BRINP1: variants seen among roughly 807,000 people sequenced by gnomAD.
BRINP1 encodes the protein BMP/retinoic acid-inducible neural-specific protein 1.
Under a neutral mutation model 72.9 loss-of-function variants are expected in BRINP1, and 17 were observed. The observed-to-expected ratio is 0.23, with a 90% CI of 0.16 to 0.35. BRINP1 has a LOEUF of 0.35. Ranked by LOEUF, BRINP1 falls within the 10% of genes least tolerant of loss-of-function variation. The pLI is 1.00. For synonymous variants in BRINP1, 418 were observed against 378.5 expected (o/e 1.10, Z -1.21); for missense variants, 850 against 1,001.6 (o/e 0.85, Z 2.04).
intron 5 of BRINP1, among the ~76,000 whole-genome samples, chr9:119,230,589 A>C (rs1830139451): frequency 6.6e-6 from 1 of 151,952 alleles, no homozygotes; most frequent in African/African-American, 2.4e-5. Flanking sequence ...TGAGGATGTC[A>C]TTTTAGGCAT....
At chr9:119,260,753 T>G (rs1015474264) in intron 2 of BRINP1, among the ~76,000 whole-genome samples, 1 of 152,192 alleles carries the variant, frequency 6.6e-6, no homozygotes, top group Non-Finnish European at 1.5e-5. Flanking sequence ...ATTAACGTTT[T>G]AAGTGGAATT....
chr9:119,171,896 G>C (rs1176694606), intron 7 of BRINP1, among the ~76,000 whole-genome samples: 9 of 121,988 alleles, frequency 7.4e-5, no homozygotes, highest in African/African-American at 3.3e-4. Context: ...GGTACATAAC[G>C]AAATGAAGGC....
chr9:119,249,530 C>A (rs1274406537), intron 2 of BRINP1, among the ~76,000 whole-genome samples: 3 of 152,002 alleles, frequency 2.0e-5, no homozygotes. Flanking sequence ...TGAAAATTTT[C>A]ATGGTATTTT....
At chr9:119,185,292 T>C (rs1488881561) in intron 7 of BRINP1, among the ~76,000 whole-genome samples, 2 of 152,168 alleles carry the variant, frequency 1.3e-5, no homozygotes, top group Non-Finnish European at 2.9e-5. Context: ...CAAAAAAACA[T>C]TAACAAGAAC....
At chr9:119,276,544 T>C (rs915258353) in intron 2 of BRINP1, among the ~76,000 whole-genome samples, 4 of 152,242 alleles carry the variant, frequency 2.6e-5, no homozygotes, top group Non-Finnish European at 5.9e-5. Context: ...GGTTCTATAC[T>C]GTCCATAAAC....
chr9:119,243,576 G>C (rs536965363), intron 3 of BRINP1, among the ~76,000 whole-genome samples: 1 of 152,034 alleles, frequency 6.6e-6, no homozygotes, highest in Non-Finnish European at 1.5e-5. Flanking sequence ...CTCAGTAATG[G>C]GATTGCTGGG....
At chr9:119,367,791 G>A (rs1311700606) in intron 1 of BRINP1, among the ~76,000 whole-genome samples, 1 of 152,050 alleles carries the variant, frequency 6.6e-6, no homozygotes, top group Admixed American at 6.6e-5. Context: ...TTTTCAAATT[G>A]TAGATCTCCC....
rs534491029 is a variant in BRINP1, at chr9:119,328,527, A to T, written c.-50-15122T>A. ...ACCTAGAATTAAATAATAGAATATG[A>T]GACAGAAAGATAATTAGCACTTATT... On this transcript the variant is annotated intron_variant, in intron 1 of 7. Coordinates refer to ENST00000265922, the MANE Select transcript of BRINP1 (RefSeq NM_014618.3). Among the ~76,000 whole-genome samples, 531 of 152,312 alleles carry T rather than the reference A, an allele frequency of 3.5e-3. 1 individual carries two copies. Among genetic ancestry groups the T allele is most frequent in the Non-Finnish European group, 5.8e-3 (393 of 68,024 alleles).
intron 1 of BRINP1, among the ~76,000 whole-genome samples, chr9:119,355,754 C>T (rs1269571230): frequency 6.6e-6 from 1 of 151,800 alleles, no homozygotes; most frequent in Non-Finnish European, 1.5e-5. Context: ...AAGATACACC[C>T]TATCTTCATC....
chr9:119,318,884 T>C lies in BRINP1; in HGVS notation c.-50-5479A>G, dbSNP rs981935277. On this transcript the variant is annotated intron_variant, in intron 1 of 7. Coordinates refer to ENST00000265922, the MANE Select transcript of BRINP1 (RefSeq NM_014618.3). ...GTGTGTGTGTGTGTGTGTGTGTGTG[T>C]GCAGGAGAGTGAGACCTCAGCCTAC... is the stretch of plus-strand genomic sequence containing the variant. Among the ~76,000 whole-genome samples the C allele has an allele frequency of 2.8e-5, 4 of 144,624 alleles. No homozygotes were observed. In the East Asian group the frequency reaches 6.6e-4, roughly 24 times the overall value. 94.9% of individuals were successfully genotyped at this position (144,624 alleles called of 152,430 possible).
At chr9:119,320,117 G>C (rs1831170289) in intron 1 of BRINP1, among the ~76,000 whole-genome samples, 1 of 152,118 alleles carries the variant, frequency 6.6e-6, no homozygotes, top group Non-Finnish European at 1.5e-5. Context: ...AGCACAGATG[G>C]GGAAAAGGAA....
In BRINP1 at chr9:119,250,826, G is replaced by C. The variant is rs868455954; in HGVS notation, c.219-1676C>G. Among the ~76,000 whole-genome samples, 3 of 152,236 alleles carry C rather than the reference G, an allele frequency of 2.0e-5. No homozygotes were observed. The Middle Eastern group carries it at 0.01, about 518-fold the overall frequency. ...TGCTCTCGGTCCCTTGAGGAAAACAGACTAGACAAGAGGGCTGTAAGGTCA... is the reference window on the plus strand; with the variant it reads ...TGCTCTCGGTCCCTTGAGGAAAACACACTAGACAAGAGGGCTGTAAGGTCA... On this transcript the variant is annotated intron_variant, in intron 2 of 7. Coordinates refer to ENST00000265922, the MANE Select transcript of BRINP1 (RefSeq NM_014618.3).
intron 2 of BRINP1, among the ~76,000 whole-genome samples, chr9:119,269,458 T>C (rs1830585995): frequency 6.6e-6 from 1 of 152,276 alleles, no homozygotes. Context: ...ATTGTGAGAG[T>C]TTGCCCATAT....
chr9:119,196,023 T>A (rs1157046968), intron 7 of BRINP1, among the ~76,000 whole-genome samples: 1 of 152,234 alleles, frequency 6.6e-6, no homozygotes, highest in Admixed American at 6.5e-5. Flanking sequence ...ATTCAACATT[T>A]TCTAAACTTA....
At chr9:119,284,351 G>A (rs1310567478) in intron 2 of BRINP1, among the ~76,000 whole-genome samples, 1 of 152,194 alleles carries the variant, frequency 6.6e-6, no homozygotes, top group Non-Finnish European at 1.5e-5. Context: ...TGTGGTACAG[G>A]CAAGAGGCCC....
chr9:119,263,647 G>A (rs753298058), intron 2 of BRINP1, among the ~76,000 whole-genome samples: 13 of 104,060 alleles, frequency 1.2e-4, no homozygotes, highest in East Asian at 6.8e-4. Context: ...TCGCTTTGTC[G>A]CCCAGGCTGG....
At chr9:119,172,529 C>G (rs894039323) in intron 7 of BRINP1, among the ~76,000 whole-genome samples, 1 of 151,606 alleles carries the variant, frequency 6.6e-6, no homozygotes, top group African/African-American at 2.4e-5. Flanking sequence ...CAGATGGATT[C>G]ACAGCCGAAT....
chr9:119,180,819 G>A lies in BRINP1; in HGVS notation c.1146-12595C>T, dbSNP rs570346286. 6.6e-5 allele frequency among the ~76,000 whole-genome samples: 10 copies of A among 152,176 alleles called. No homozygotes were observed. In the East Asian group the frequency reaches 9.6e-4, roughly 15 times the overall value. On this transcript the variant is annotated intron_variant, in intron 7 of 7. Transcript: ENST00000265922. ...AAGAAATACCAAAAGAAAATGTTACGGTCCCTTGTCATGCTGAAACTATTT... is the reference window on the plus strand; with the variant it reads ...AAGAAATACCAAAAGAAAATGTTACAGTCCCTTGTCATGCTGAAACTATTT...
chr9:119,338,713 A>C (rs1033010692), intron 1 of BRINP1, among the ~76,000 whole-genome samples: 3 of 137,832 alleles, frequency 2.2e-5, no homozygotes, highest in African/African-American at 7.7e-5. Context: ...TCTACTAAAA[A>C]TACAAAAAAA....
Sources: allele counts gnomAD v4.1 joint callset (sites outside exome capture counted in the v4.1 genomes callset), GRCh38; gene constraint gnomAD v4.1.1; transcripts MANE v1.5; gene names NCBI Gene and HGNC (gene_info 2026-07-23, HGNC 2026-07-21).